The following PID1 variants were observed in gnomAD, a reference collection of about 807,000 sequenced individuals.
PID1 encodes phosphotyrosine interaction domain containing 1.
PID1 carries 10 observed loss-of-function variants against 19.1 expected under a neutral mutation model. The ratio of observed to expected loss-of-function variants is 0.52; its 90% CI spans 0.32 to 0.89. The LOEUF is 0.89. Ranked by LOEUF, PID1 falls within the 40% of genes least tolerant of loss-of-function variation. The pLI is 0.03. For missense variants in PID1, 248 were observed against 285.3 expected (o/e 0.87, Z 0.94); for synonymous variants, 130 against 116.0 (o/e 1.12, Z -0.78).
chr2:229,258,535 G>A (rs1690364850), intron 1 of PID1, among the ~76,000 whole-genome samples: 1 of 152,134 alleles, frequency 6.6e-6, no homozygotes, highest in Non-Finnish European at 1.5e-5. Context: ...GGCAAATAAT[G>A]AGGATTTCAC....
intron 1 of PID1, among the ~76,000 whole-genome samples, chr2:229,198,257 T>C (rs1339204536): frequency 1.3e-5 from 2 of 152,222 alleles, no homozygotes; most frequent in African/African-American, 4.8e-5. Flanking sequence ...AATTTATGTA[T>C]GTAACATAAA....
chr2:229,203,447 T>C (rs1287030137), intron 1 of PID1, among the ~76,000 whole-genome samples: 1 of 152,094 alleles, frequency 6.6e-6, no homozygotes, highest in African/African-American at 2.4e-5. Flanking sequence ...AACTTTTCTT[T>C]ATAACATTGA....
intron 2 of PID1, among the ~76,000 whole-genome samples, chr2:229,066,561 C>T (rs141160522): frequency 1.1e-4 from 16 of 152,064 alleles, no homozygotes; most frequent in African/African-American, 1.4e-4. Flanking sequence ...TCAGAGGCAC[C>T]GTGACTCCTT....
intron 2 of PID1, among the ~76,000 whole-genome samples, chr2:229,141,455 T>G (rs1320278670): frequency 1.3e-5 from 2 of 152,112 alleles, no homozygotes; most frequent in African/African-American, 4.8e-5. Flanking sequence ...AGCTGTCTGG[T>G]AAGTAAGCAC....
chr2:229,046,115 G>T (rs1027396950), intron 2 of PID1, among the ~76,000 whole-genome samples: 1 of 151,998 alleles, frequency 6.6e-6, no homozygotes, highest in South Asian at 2.1e-4. Flanking sequence ...CGAACCCCCC[G>T]ACTCTGCTGG....
At chr2:229,106,450 A>C (rs1040208258) in intron 2 of PID1, among the ~76,000 whole-genome samples, 3 of 152,288 alleles carry the variant, frequency 2.0e-5, no homozygotes, top group South Asian at 2.1e-4. Flanking sequence ...GAATGTTTTT[A>C]TCTCTCCCAA....
At chr2:229,228,263 G>A (rs1056622962) in intron 1 of PID1, among the ~76,000 whole-genome samples, 1 of 147,576 alleles carries the variant, frequency 6.8e-6, no homozygotes, top group Non-Finnish European at 1.5e-5. Flanking sequence ...TTTCTATTAG[G>A]AGCAGTCATT....
At chr2:229,145,155 G>GTGTATA (rs1391018424) in intron 2 of PID1, among the ~76,000 whole-genome samples, 5 of 119,966 alleles carry the variant, frequency 4.2e-5, no homozygotes, top group African/African-American at 1.6e-4. Context: ...ATATGTATGT[G>GTGTATA]TATATATATA....
rs1049279977 is a variant in PID1, at chr2:229,027,778, G to A, written c.178-1670C>T. On this transcript the variant is annotated intron_variant, in intron 2 of 2. Transcript: ENST00000392055. The stretch of plus-strand genomic sequence containing the variant: ...GTGCTAACCTGAGCACACGTAAAGC[G>A]GTAGCCTAAGACAGCCCTGGAGCAG... 3.9e-5 allele frequency among the ~76,000 whole-genome samples: 6 copies of A among 152,192 alleles called. No individual in the cohort carries two copies. The East Asian group carries it at 1.2e-3, about 29-fold the overall frequency.
intron 2 of PID1, among the ~76,000 whole-genome samples, chr2:229,114,700 T>G (rs1225096310): frequency 6.6e-6 from 1 of 152,158 alleles, no homozygotes; most frequent in African/African-American, 2.4e-5. Flanking sequence ...CATTCTACCC[T>G]CCTCTTGAGT....
At chr2:229,153,390 C>T (rs943378966) in intron 2 of PID1, among the ~76,000 whole-genome samples, 3 of 152,148 alleles carry the variant, frequency 2.0e-5, no homozygotes, top group African/African-American at 7.2e-5. Flanking sequence ...TGCCTGGAAT[C>T]GCCTCTTCAA....
intron 2 of PID1, among the ~76,000 whole-genome samples, chr2:229,089,102 C>G (rs1694821940): frequency 6.6e-6 from 1 of 151,858 alleles, no homozygotes; most frequent in Non-Finnish European, 1.5e-5. Context: ...AGAAGTAAAA[C>G]AAAGGAGTGA....
At chr2:229,244,736 CT>C (rs746390021) in intron 1 of PID1, 6 of 152,224 alleles carry the variant, frequency 3.9e-5, no homozygotes, top group Non-Finnish European at 5.9e-5. Context: ...CAATTCCCTA[CT>C]TTGTTAAAAG....
Position 229,024,484 on chromosome 2 carries a change from G to A in PID1, c.*1148C>T, listed in dbSNP as rs1693367670. On this transcript the variant is annotated 3_prime_UTR_variant, in exon 3 of 3. Transcript: ENST00000392055. ...TTCCCATTCAAAATAAAAAAAAAGG[G>A]CAATTCTGACCCTAAGATATCATCA... 6.6e-6 allele frequency: 1 copy of A among 152,460 alleles called. No homozygotes were observed. Among genetic ancestry groups the A allele is most frequent in the Non-Finnish European group, 1.5e-5 (1 of 68,010 alleles). The allele number at this position is 152,460 out of a possible 1,614,324, so 9.4% of individuals were successfully genotyped here. A position where few individuals can be genotyped will look rare whatever the true frequency, so the allele number is the denominator to read the frequency against.
chr2:229,225,458 G>A (rs1167369530), intron 1 of PID1, among the ~76,000 whole-genome samples: 1 of 152,118 alleles, frequency 6.6e-6, no homozygotes, highest in Non-Finnish European at 1.5e-5. Context: ...AGCAACTGGA[G>A]AAAGACATAA....
At chr2:229,230,294 C>T (rs930143335) in intron 1 of PID1, among the ~76,000 whole-genome samples, 2 of 151,326 alleles carry the variant, frequency 1.3e-5, no homozygotes, top group Admixed American at 1.3e-4. Context: ...AAGAAAGAAA[C>T]GAGAGAGAAA....
At chr2:229,234,556 C>T (rs1316348429) in intron 1 of PID1, among the ~76,000 whole-genome samples, 4 of 152,178 alleles carry the variant, frequency 2.6e-5, no homozygotes, top group Non-Finnish European at 5.9e-5. Flanking sequence ...CAGTAAGATC[C>T]ATTTGGGGCT....
At chr2:229,047,175 T>C (rs779679339) in intron 2 of PID1, among the ~76,000 whole-genome samples, 2 of 152,194 alleles carry the variant, frequency 1.3e-5, no homozygotes, top group African/African-American at 2.4e-5. Context: ...AACACCAATG[T>C]TCATGCCAAG....
intron 2 of PID1, among the ~76,000 whole-genome samples, chr2:229,106,662 G>C (rs944040231): frequency 6.6e-6 from 1 of 152,188 alleles, no homozygotes; most frequent in African/African-American, 2.4e-5. Context: ...TCCTTTATCA[G>C]ACATTAAATC....
Sources: gnomAD v4.1 joint callset for allele counts (sites outside exome capture counted in the v4.1 genomes callset) on GRCh38, gnomAD v4.1.1 for gene constraint, MANE v1.5 for transcripts, NCBI Gene and HGNC (gene_info 2026-07-23, HGNC 2026-07-21) for gene names.